SYNPR: variants seen among roughly 807,000 people sequenced by gnomAD.
SYNPR encodes synaptoporin.
A neutral mutation model predicts 32.9 loss-of-function variants in SYNPR; 23 were observed. That is an observed-to-expected ratio of 0.70 (90% CI 0.50 to 0.99). SYNPR has a LOEUF of 0.99. Ranked by LOEUF, SYNPR falls within the 50% of genes least tolerant of loss-of-function variation. SYNPR has a pLI of 0.00. For missense variants in SYNPR, 318 were observed against 349.3 expected, an observed-to-expected ratio of 0.91 and a Z score of 0.71; for synonymous variants, 146 against 135.9, an observed-to-expected ratio of 1.07 and a Z score of -0.52.
intron 2 of SYNPR, among the ~76,000 whole-genome samples, chr3:63,461,795 G>A (rs1700589316): frequency 6.6e-6 from 1 of 151,866 alleles, no homozygotes; most frequent in Non-Finnish European, 1.5e-5. Context: ...ATGAACCTCA[G>A]TTTCCCCAGC....
chr3:63,584,101 T>C (rs1703141471), intron 4 of SYNPR, among the ~76,000 whole-genome samples: 1 of 152,078 alleles, frequency 6.6e-6, no homozygotes, highest in Non-Finnish European at 1.5e-5. Context: ...CCTGTCGGCA[T>C]AGGCATTTCC....
At chr3:63,294,817 TTAAA>T (rs1216193266) in intron 2 of SYNPR, among the ~76,000 whole-genome samples, 1 of 152,190 alleles carries the variant, frequency 6.6e-6, no homozygotes, top group Admixed American at 6.6e-5. Flanking sequence ...TTATTTTACT[TTAAA>T]TAATACTCGT....
intron 2 of SYNPR, among the ~76,000 whole-genome samples, chr3:63,381,762 G>A (rs938526014): frequency 1.3e-5 from 2 of 152,098 alleles, no homozygotes; most frequent in African/African-American, 2.4e-5. Flanking sequence ...TTCTCTCTGT[G>A]TATTGTTTCT....
intron 1 of SYNPR, among the ~76,000 whole-genome samples, chr3:63,251,117 T>G (rs1265592701): frequency 6.6e-6 from 1 of 152,092 alleles, no homozygotes; most frequent in Non-Finnish European, 1.5e-5. Context: ...GTACATTTTC[T>G]GCATCTATAT....
intron 2 of SYNPR, among the ~76,000 whole-genome samples, chr3:63,331,506 A>G (rs115874190): frequency 0.012 from 1,788 of 152,234 alleles, 36 homozygotes; most frequent in African/African-American, 0.041. Context: ...GAAGAGTAGT[A>G]ATATACCATA....
chr3:63,564,844 G>C (rs909833522), intron 4 of SYNPR, among the ~76,000 whole-genome samples: 23 of 152,186 alleles, frequency 1.5e-4, no homozygotes, highest in African/African-American at 5.6e-4. Flanking sequence ...AAAAAGATGA[G>C]CTGTAGTTCT....
intron 1 of SYNPR, among the ~76,000 whole-genome samples, chr3:63,250,356 T>G (rs9858552): frequency 0.77 from 116,438 of 151,764 alleles, 45,488 homozygotes; most frequent in Middle Eastern, 0.87. Flanking sequence ...AAAATAAAAA[T>G]AAAATTATCC....
In SYNPR at chr3:63,401,005, T is replaced by TG. The variant is rs1220312255; in HGVS notation, c.85-79822dup. 1.3e-5 allele frequency among the ~76,000 whole-genome samples: 2 copies of TG among 151,190 alleles called. 1 individual carries two copies. The highest frequency in any genetic ancestry group is 1.3e-4 in the Admixed American group (2 of 15,174). On this transcript the variant is annotated intron_variant, in intron 2 of 5. Transcript: ENST00000478300. ...AAAGCAACAAATGGCAAAGGCAACATGGGGGTATAGGAATTAGATGCAATA... is the reference window on the plus strand; with the variant it reads ...AAAGCAACAAATGGCAAAGGCAACATGGGGGGTATAGGAATTAGATGCAATA...
At chr3:63,491,601 A>G (rs1326436950) in intron 3 of SYNPR, among the ~76,000 whole-genome samples, 4 of 152,088 alleles carry the variant, frequency 2.6e-5, no homozygotes, top group African/African-American at 4.8e-5. Flanking sequence ...ACTTACTGCA[A>G]TCTCCACCTC....
intron 1 of SYNPR, chr3:63,252,493 T>C (rs761825746): frequency 1.1e-4 from 16 of 152,220 alleles, no homozygotes; most frequent in Non-Finnish European, 2.4e-4. Context: ...CGTTTTCTTT[T>C]TTCAGTTACA....
the SYNPR span, among the ~76,000 whole-genome samples, chr3:63,211,208 C>G: frequency 9.9e-5 from 15 of 152,270 alleles, no homozygotes; most frequent in East Asian, 2.7e-3. Context: ...GCAGGGATTA[C>G]AGGCACCCGC....
intron 2 of SYNPR, among the ~76,000 whole-genome samples, chr3:63,377,627 G>C (rs1560210088): frequency 5.3e-5 from 8 of 151,266 alleles, no homozygotes. Flanking sequence ...ATACATCTTA[G>C]TTTTTTTTTA....
At chr3:63,499,042 T>A (rs1342708726) in intron 3 of SYNPR, among the ~76,000 whole-genome samples, 2 of 151,340 alleles carry the variant, frequency 1.3e-5, no homozygotes, top group African/African-American at 2.4e-5. Context: ...TTAGCTGCTA[T>A]GTGAAAAAAA....
intron 2 of SYNPR, among the ~76,000 whole-genome samples, chr3:63,281,226 A>G (rs1329179174): frequency 6.6e-6 from 1 of 152,214 alleles, no homozygotes; most frequent in Non-Finnish European, 1.5e-5. Context: ...TTAAACAGCA[A>G]GTAATCAGCA....
chr3:63,505,887 CCTT>C (rs1701577726), intron 3 of SYNPR, among the ~76,000 whole-genome samples: 2 of 152,150 alleles, frequency 1.3e-5, no homozygotes, highest in South Asian at 4.1e-4. Context: ...TTATGAAGGG[CCTT>C]CTTTGCCAAC....
In SYNPR at chr3:63,266,721, C is replaced by CA. The variant is rs914597083; in HGVS notation, n.155-590dup. Among the ~76,000 whole-genome samples the CA allele has an allele frequency of 4.9e-5, 3 of 61,280 alleles. 1 individual carries two copies. Among genetic ancestry groups the CA allele is most frequent in the Non-Finnish European group, 1.1e-4 (3 of 26,930 alleles). 40.2% of individuals were successfully genotyped at this position (61,280 alleles called of 152,430 possible). A position where few individuals can be genotyped will look rare whatever the true frequency, so the allele number is the denominator to read the frequency against. The stretch of plus-strand genomic sequence containing the variant: ...AAACTCCGTCTCAAAAAAAAAAACA[C>CA]AAAAAACCACAAAAATAAAGTCGTG... On this transcript the variant is annotated intron_variant and non_coding_transcript_variant, in intron 2 of 4. Transcript: ENST00000478456.
At chr3:63,277,552 T>C (rs1397680042), upstream of SYNPR, among the ~76,000 whole-genome samples, 1 of 152,198 alleles carries the variant, frequency 6.6e-6, no homozygotes, top group Non-Finnish European at 1.5e-5. Flanking sequence ...GAAAGGTACC[T>C]AAATTTCATT....
intron 2 of SYNPR, among the ~76,000 whole-genome samples, chr3:63,376,105 C>G (rs900707289): frequency 2.0e-5 from 3 of 152,172 alleles, no homozygotes; most frequent in Non-Finnish European, 4.4e-5. Flanking sequence ...TTGGGCCCAT[C>G]TGAAATCCAT....
In SYNPR at chr3:63,358,384, A is replaced by G. The variant is rs149488588; in HGVS notation, c.84+79642A>G. Among the ~76,000 whole-genome samples, 381 of 152,248 alleles carry G rather than the reference A, an allele frequency of 2.5e-3. 4 individuals are homozygous for G. The highest frequency in any genetic ancestry group is 8.7e-3 in the African/African-American group (363 of 41,536). ...ATGGCCCCTTCCTTGCATGGCTCCA[A>G]TCTCTGCTTTTGTCATCACATCCCC... is the stretch of plus-strand genomic sequence containing the variant. On this transcript the variant is annotated intron_variant, in intron 2 of 5. Transcript: ENST00000478300.
Sources: gnomAD v4.1 joint callset for allele counts (sites outside exome capture counted in the v4.1 genomes callset) on GRCh38, gnomAD v4.1.1 for gene constraint, MANE v1.5 for transcripts, NCBI Gene and HGNC (gene_info 2026-07-23, HGNC 2026-07-21) for gene names.